Variants in EFHC2 observed in about 807,000 individuals in gnomAD.
EFHC2 encodes EF-hand domain containing 2.
A neutral mutation model predicts 52.7 loss-of-function variants in EFHC2; 18 were observed. The ratio of observed to expected loss-of-function variants is 0.34; its 90% CI spans 0.24 to 0.51. The LOEUF is 0.51. Ranked by LOEUF, EFHC2 falls within the 20% of genes least tolerant of loss-of-function variation. EFHC2 has a pLI of 0.97. For missense variants in EFHC2, 513 were observed against 562.5 expected (o/e 0.91, Z 0.89); for synonymous variants, 203 against 204.1 (o/e 0.99, Z 0.04).
intron 7 of EFHC2, among the ~76,000 whole-genome samples, chrX:44,242,952 AC>A (rs1413292203): frequency 8.9e-6 from 1 of 112,265 alleles, no homozygotes; most frequent in Non-Finnish European, 1.9e-5. Flanking sequence ...AATGAAGCGA[AC>A]AAACAAAACA....
intron 11 of EFHC2, among the ~76,000 whole-genome samples, chrX:44,200,069 T>C (rs1259474463): frequency 1.8e-5 from 2 of 111,969 alleles, no homozygotes; most frequent in Non-Finnish European, 3.8e-5. Flanking sequence ...TCTGTAGAAC[T>C]GTCCCAGTGT....
intron 2 of EFHC2, among the ~76,000 whole-genome samples, chrX:44,300,861 A>G (rs1173385221): frequency 2.7e-5 from 3 of 110,633 alleles, no homozygotes; most frequent in African/African-American, 9.9e-5. Context: ...CTGTAACACC[A>G]GCACTTTGGG....
chrX:44,306,643 C>T (rs1056539696), intron 2 of EFHC2, among the ~76,000 whole-genome samples: 7 of 112,001 alleles, frequency 6.2e-5, no homozygotes, highest in Non-Finnish European at 1.3e-4. Context: ...AATACTGGCT[C>T]CTTTTCATGA....
At chrX:44,214,162 A>C (rs1429082564) in intron 11 of EFHC2, among the ~76,000 whole-genome samples, 2 of 111,973 alleles carry the variant, frequency 1.8e-5, no homozygotes, top group Non-Finnish European at 1.9e-5. Context: ...AGAACAGCAG[A>C]AATATTTGAA....
At chrX:44,252,013 T>C (rs1271843519) in intron 4 of EFHC2, among the ~76,000 whole-genome samples, 1 of 112,092 alleles carries the variant, frequency 8.9e-6, no homozygotes, top group Non-Finnish European at 1.9e-5. Flanking sequence ...ATTCAAAGAT[T>C]TTTGTGAAGG....
At chrX:44,229,100 GTTATAATAT>G (rs1227492530) in intron 11 of EFHC2, among the ~76,000 whole-genome samples, 1 of 112,087 alleles carries the variant, frequency 8.9e-6, no homozygotes, top group Non-Finnish European at 1.9e-5. Context: ...ATCATGATTT[GTTATAATAT>G]TTCCAACTAC....
At chrX:44,290,249 A>G (rs1190150317) in intron 2 of EFHC2, among the ~76,000 whole-genome samples, 1 of 110,693 alleles carries the variant, frequency 9.0e-6, no homozygotes, top group Non-Finnish European at 1.9e-5. Context: ...TACTACATAT[A>G]ATGCATTTTT....
intron 2 of EFHC2, among the ~76,000 whole-genome samples, chrX:44,305,628 G>A (rs143934360): frequency 0.027 from 3,046 of 112,349 alleles, 51 homozygotes; most frequent in Middle Eastern, 0.065. Flanking sequence ...CCCTGCTCCT[G>A]ATCATTGTGA....
Position 44,312,693 on chromosome X carries a change from C to A in EFHC2, c.106G>T (p.Val36Leu). 8.3e-7 allele frequency: 1 copy of A among 1,209,177 alleles called. No individual in the cohort carries two copies. The highest frequency in any genetic ancestry group is 1.1e-6 in the Non-Finnish European group (1 of 894,500). ...WGFCNNVMMLVSDEKPGIGGE... is the reference protein window; with the variant it reads ...WGFCNNVMMLLSDEKPGIGGE... ...CCTATTCCAGGCTTTTCATCACTCA[C>A]CAACATCATAACATTGTTGCAAAAG... is the stretch of plus-strand genomic sequence containing the variant. Residue 36 changes from valine to leucine, a missense_variant, in exon 2 of 15, where the codon GTG becomes TTG. By Grantham distance (32) the Val-to-Leu change is conservative. Transcript: ENST00000420999.
Position 44,343,617 on chromosome X carries a change from C to T in EFHC2, c.-29G>A. 2 of 1,159,279 alleles carry T rather than the reference C, an allele frequency of 1.7e-6. No individual in the cohort carries two copies. Among genetic ancestry groups the T allele is most frequent in the Non-Finnish European group, 2.3e-6 (2 of 873,524 alleles). On this transcript the variant is annotated 5_prime_UTR_variant, in exon 1 of 15. Coordinates refer to ENST00000420999, the MANE Select transcript of EFHC2 (RefSeq NM_025184.4). ...GCTCAGTGTCCGAAAATCCAGGGTC[C>T]CAGAAGAGAGGGCCCGGCAGGCAGC...
chrX:44,164,853 A>C (rs887579533), intron 13 of EFHC2, among the ~76,000 whole-genome samples: 2 of 112,196 alleles, frequency 1.8e-5, no homozygotes, highest in Non-Finnish European at 3.8e-5. Context: ...ATATAGGTCA[A>C]AATAATGAAT....
At chrX:44,313,095 C>CAAAAAAAAAAAAAA (rs1276344069) in intron 1 of EFHC2, among the ~76,000 whole-genome samples, 1 of 50,065 alleles carries the variant, frequency 2.0e-5, no homozygotes, top group African/African-American at 6.1e-5. Flanking sequence ...ATGCAAACAG[C>CAAAAAAAAAAAAAA]AAAAAAAAAA....
intron 1 of EFHC2, among the ~76,000 whole-genome samples, chrX:44,317,748 C>T (rs965462919): frequency 7.9e-5 from 9 of 113,326 alleles, no homozygotes; most frequent in Non-Finnish European, 1.3e-4. Flanking sequence ...AAGCTATGAT[C>T]GCACCACTGC....
At chrX:44,171,147 G>A (rs2036742236) in intron 13 of EFHC2, among the ~76,000 whole-genome samples, 1 of 111,284 alleles carries the variant, frequency 9.0e-6, no homozygotes. Flanking sequence ...TAGATAATAC[G>A]ACCCCTCGAA....
intron 1 of EFHC2, among the ~76,000 whole-genome samples, chrX:44,319,633 A>T (rs113611979): frequency 0.015 from 1,719 of 112,633 alleles, 20 homozygotes; most frequent in Non-Finnish European, 0.023. Flanking sequence ...GTAGGCATCA[A>T]ATCTAAAAAC....
intron 11 of EFHC2, among the ~76,000 whole-genome samples, chrX:44,218,038 C>T (rs957804967): frequency 9.0e-6 from 1 of 111,270 alleles, no homozygotes; most frequent in African/African-American, 3.3e-5. Context: ...ATAGCCCTAT[C>T]CCTCAGAAGA....
intron 11 of EFHC2, among the ~76,000 whole-genome samples, chrX:44,183,749 T>G (rs776110413): frequency 2.7e-5 from 3 of 111,493 alleles, no homozygotes; most frequent in Admixed American, 9.5e-5. Flanking sequence ...TCTTCCGGAG[T>G]TATGCAACAT....
intron 2 of EFHC2, among the ~76,000 whole-genome samples, chrX:44,306,964 G>T (rs767768978): frequency 2.2e-3 from 249 of 112,021 alleles, no homozygotes; most frequent in African/African-American, 7.8e-3. Flanking sequence ...TCATAGCAAA[G>T]AATTATCCCC....
chrX:44,309,258 ATTT>A, intron 2 of EFHC2: 1 of 513,991 alleles, frequency 1.9e-6, no homozygotes, highest in Non-Finnish European at 3.3e-6. Flanking sequence ...ACTTCAGCTG[ATTT>A]TTTTTATGAG....
Sources: allele counts gnomAD v4.1 joint callset (sites outside exome capture counted in the v4.1 genomes callset), GRCh38; gene constraint gnomAD v4.1.1; transcripts MANE v1.5; gene names NCBI Gene and HGNC (gene_info 2026-07-23, HGNC 2026-07-21).